Variants in AMOTL1 observed in about 807,000 individuals in gnomAD.
AMOTL1 encodes angiomotin like 1.
Under a neutral mutation model 102.9 loss-of-function variants are expected in AMOTL1, and 45 were observed. That is an observed-to-expected ratio of 0.44 (90% CI 0.34 to 0.56). The LOEUF (loss-of-function observed/expected upper bound fraction) is 0.56. AMOTL1 is among the 20% of genes least tolerant of loss of function. The pLI is 0.01. For synonymous variants in AMOTL1, 481 were observed against 484.7 expected (o/e 0.99, Z 0.10); for missense variants, 1,114 against 1,225.6 (o/e 0.91, Z 1.36).
chr11:94,751,700 TAAAA>T (rs34946180), intron 3 of AMOTL1, among the ~76,000 whole-genome samples: 2 of 135,430 alleles, frequency 1.5e-5, no homozygotes, highest in African/African-American at 2.6e-5. Context: ...CTGCTTTGGC[TAAAA>T]AAAAAAAAAA....
chr11:94,823,793 G>T (rs1202722314), intron 4 of AMOTL1, among the ~76,000 whole-genome samples: 1 of 150,404 alleles, frequency 6.6e-6, no homozygotes, highest in Admixed American at 6.6e-5. Flanking sequence ...TCGGCTCACT[G>T]CAATCTCCGC....
At chr11:94,798,034 T>C (rs1211743423) in intron 2 of AMOTL1, among the ~76,000 whole-genome samples, 1 of 152,094 alleles carries the variant, frequency 6.6e-6, no homozygotes, top group Non-Finnish European at 1.5e-5. Flanking sequence ...GTCAGGGAAA[T>C]AGATAAGGAG....
chr11:94,783,963 A>G (rs1284706156), intron 1 of AMOTL1, among the ~76,000 whole-genome samples: 1 of 152,028 alleles, frequency 6.6e-6, no homozygotes, highest in Non-Finnish European at 1.5e-5. Flanking sequence ...AGCAGTCAAA[A>G]TTGAGTTTGC....
chr11:94,739,272 G>A (rs1950483987), intron 2 of AMOTL1, among the ~76,000 whole-genome samples: 1 of 152,156 alleles, frequency 6.6e-6, no homozygotes. Flanking sequence ...CTAGGAGTTG[G>A]GAGGGGATGG....
chr11:94,846,555 A>T (rs1437535799), intron 6 of AMOTL1, among the ~76,000 whole-genome samples: 2 of 152,204 alleles, frequency 1.3e-5, no homozygotes, highest in Non-Finnish European at 2.9e-5. Context: ...TGAGTAGTAG[A>T]TGCTTCATTA....
intron 7 of AMOTL1, 137 bp from the exon 8 acceptor site, chr11:94,853,796 T>C: frequency 1.1e-6 from 1 of 884,504 alleles, no homozygotes; most frequent in Non-Finnish European, 1.7e-6. Context: ...ACTTGAAGGA[T>C]AGGAGTAGGG....
intron 7 of AMOTL1, among the ~76,000 whole-genome samples, chr11:94,850,540 T>TA (rs1323994559): frequency 6.6e-6 from 1 of 152,264 alleles, no homozygotes; most frequent in Non-Finnish European, 1.5e-5. Context: ...CGTGTCCTAC[T>TA]CAGTCATCAT....
chr11:94,727,302 C>G (rs1024183801), intron 1 of AMOTL1, among the ~76,000 whole-genome samples: 2 of 152,114 alleles, frequency 1.3e-5, no homozygotes, highest in African/African-American at 4.8e-5. Flanking sequence ...ATTTAATAAT[C>G]AGCAAAGATA....
chr11:94,775,537 G>T (rs2566894), intron 1 of AMOTL1, among the ~76,000 whole-genome samples: 147,532 of 152,166 alleles, frequency 0.97, 71,631 homozygotes, highest in East Asian at 1. Context: ...CCACATCTAT[G>T]TTTTTAAAGT....
chr11:94,806,323 G>A (rs1421771452), intron 3 of AMOTL1, among the ~76,000 whole-genome samples: 16 of 152,252 alleles, frequency 1.1e-4, no homozygotes, highest in African/African-American at 3.9e-4. Context: ...AAGAAAGAAG[G>A]TTTGATGGTC....
intron 1 of AMOTL1, among the ~76,000 whole-genome samples, chr11:94,793,622 A>T (rs1951320407): frequency 1.3e-5 from 2 of 152,218 alleles, no homozygotes; most frequent in South Asian, 4.1e-4. Context: ...GTCATCCATG[A>T]TTCCTAATTT....
chr11:94,755,890 G>C (rs1434475590), intron 3 of AMOTL1, among the ~76,000 whole-genome samples: 3 of 152,160 alleles, frequency 2.0e-5, no homozygotes, highest in Non-Finnish European at 4.4e-5. Context: ...TTATCCCAAG[G>C]ACAGAGGGCT....
chr11:94,817,693 G>T (rs928204204), intron 3 of AMOTL1, among the ~76,000 whole-genome samples: 19 of 152,068 alleles, frequency 1.2e-4, no homozygotes, highest in Admixed American at 1.2e-3. Flanking sequence ...TTCAAAAGGT[G>T]TTTTTTATAA....
At chr11:94,725,450 C>A (rs1950241870) in intron 1 of AMOTL1, among the ~76,000 whole-genome samples, 1 of 152,180 alleles carries the variant, frequency 6.6e-6, no homozygotes, top group Non-Finnish European at 1.5e-5. Flanking sequence ...CATATTCATT[C>A]ATTCAGCAAA....
At chr11:94,740,530 C>A (rs1264104313) in intron 2 of AMOTL1, among the ~76,000 whole-genome samples, 2 of 151,650 alleles carry the variant, frequency 1.3e-5, no homozygotes, top group Admixed American at 1.3e-4. Flanking sequence ...CCCTCGGGCC[C>A]CCGGGACCGC....
intron 9 of AMOTL1, among the ~76,000 whole-genome samples, chr11:94,860,596 G>C (rs1470749863): frequency 6.6e-6 from 1 of 152,166 alleles, no homozygotes; most frequent in East Asian, 1.9e-4. Context: ...GGCTGTGCAG[G>C]GGACCCATCC....
At position 94,871,793 on chromosome 11, in the gene AMOTL1, G is replaced by C. The variant is rs1462864808; in HGVS notation, c.*998G>C. The C allele has an allele frequency of 6.6e-6, 1 of 152,088 alleles. No individual in the cohort carries two copies. The highest frequency in any genetic ancestry group is 1.5e-5 in the Non-Finnish European group (1 of 68,024). 9.4% of individuals were successfully genotyped at this position (152,088 alleles called of 1,614,324 possible). A position where few individuals can be genotyped will look rare whatever the true frequency, so the allele number is the denominator to read the frequency against. ...ACTTGCTTTTTTGTCTTTCACATCG[G>C]CTGTCTTGCAAGGAGCTTGACATTT... On this transcript the variant is annotated 3_prime_UTR_variant, in exon 13 of 13. Transcript: ENST00000433060.
chr11:94,775,760 AG>A (rs1951018963), intron 1 of AMOTL1, among the ~76,000 whole-genome samples: 1 of 152,220 alleles, frequency 6.6e-6, no homozygotes, highest in South Asian at 2.1e-4. Flanking sequence ...ACTGGGCTTC[AG>A]ATGATAAGAC....
chr11:94,736,990 A>G (rs1297762700), intron 2 of AMOTL1, among the ~76,000 whole-genome samples: 1 of 152,262 alleles, frequency 6.6e-6, no homozygotes, highest in Admixed American at 6.5e-5. Context: ...CTAAGATAGA[A>G]AATTGGAATC....
Sources: allele counts gnomAD v4.1 joint callset (sites outside exome capture counted in the v4.1 genomes callset), GRCh38; gene constraint gnomAD v4.1.1; transcripts MANE v1.5; gene names NCBI Gene and HGNC (gene_info 2026-07-23, HGNC 2026-07-21).